The following TMEM213 variants were observed in gnomAD, a reference collection of about 807,000 sequenced individuals.
TMEM213 encodes the protein transmembrane protein 213.
A neutral mutation model predicts 11.6 loss-of-function variants in TMEM213; 7 were observed. The ratio of observed to expected loss-of-function variants is 0.60; its 90% confidence interval spans 0.34 to 1.13. The LOEUF is 1.13. Ranked by LOEUF, TMEM213 falls within the 50% of genes most tolerant of loss-of-function variation. The pLI, the probability that TMEM213 is intolerant of heterozygous loss-of-function variation, is 0.03. For synonymous variants in TMEM213, 60 were observed against 58.3 expected (o/e 1.03, Z -0.13); for missense variants, 129 against 139.0 (o/e 0.93, Z 0.36).
At position 138,803,184 on chromosome 7, in the gene TMEM213, T is replaced by G; in HGVS notation, c.*115T>G. 2 of 1,306,492 alleles carry G rather than the reference T, an allele frequency of 1.5e-6. No individual in the cohort carries two copies. Among genetic ancestry groups the G allele is most frequent in the Non-Finnish European group, 2.1e-6 (2 of 959,964 alleles). 80.9% of individuals were successfully genotyped at this position (1,306,492 alleles called of 1,614,324 possible). ...AGTCATTTTCACCTTTAAGCTTCAGTTACTTTTACAAGGGAAAGAAGAAAG... is the reference window on the plus strand; with the variant it reads ...AGTCATTTTCACCTTTAAGCTTCAGGTACTTTTACAAGGGAAAGAAGAAAG... On this transcript the variant is annotated 3_prime_UTR_variant, in exon 3 of 3. Coordinates refer to ENST00000442682, the MANE Select transcript of TMEM213 (RefSeq NM_001085429.2).
chr7:138,802,669 C>T (rs987381243), intron 2 of TMEM213, among the ~76,000 whole-genome samples: 1 of 152,056 alleles, frequency 6.6e-6, no homozygotes, highest in East Asian at 1.9e-4. Flanking sequence ...TGATCTTGGG[C>T]AAATTACAGC....
Position 138,798,131 on chromosome 7 carries a change from G to A in TMEM213, c.27G>A (p.Arg9=). 1 of 1,601,782 alleles carries A rather than the reference G, an allele frequency of 6.2e-7. No homozygotes were observed. Among genetic ancestry groups the A allele is most frequent in the Non-Finnish European group, 8.5e-7 (1 of 1,174,860 alleles). ...TGCAGCGCCTCCCCGCTGCCACCCG[G>A]GCCACCCTGATCCTCAGCCTGGCCT... MQRLPAAT[R]ATLILSLAFA... Residue 9 remains arginine, a synonymous_variant, in exon 1 of 3, where the codon CGG becomes CGA. Coordinates refer to ENST00000442682, the MANE Select transcript of TMEM213 (RefSeq NM_001085429.2).
chr7:138,801,971 C>T (rs1808961955), intron 2 of TMEM213, among the ~76,000 whole-genome samples: 1 of 152,068 alleles, frequency 6.6e-6, no homozygotes, highest in Admixed American at 6.5e-5. Context: ...TGAGACCAGC[C>T]TGACCAATAT....
chr7:138,803,113 G>A lies in TMEM213; in HGVS notation c.*44G>A. ...AAAATGGTGATCGCCACCAATTTGTGGCTAATGGGGAAGGGGAGTAAGGCT... is the reference window on the plus strand; with the variant it reads ...AAAATGGTGATCGCCACCAATTTGTAGCTAATGGGGAAGGGGAGTAAGGCT... On this transcript the variant is annotated 3_prime_UTR_variant, in exon 3 of 3. Coordinates refer to ENST00000442682, the MANE Select transcript of TMEM213 (RefSeq NM_001085429.2). 6.3e-7 allele frequency: 1 copy of A among 1,594,270 alleles called. No individual in the cohort carries two copies. The highest frequency in any genetic ancestry group is 1.7e-4 in the Middle Eastern group (1 of 6,040).
chr7:138,803,217 G>A lies in TMEM213; in HGVS notation c.*148G>A. On this transcript the variant is annotated 3_prime_UTR_variant, in exon 3 of 3. Coordinates refer to ENST00000442682, the MANE Select transcript of TMEM213 (RefSeq NM_001085429.2). ...ACAAGGGAAAGAAGAAAGAGCGGGA[G>A]AACCAAATAAGGCAAGCCAGTGCTG... is the stretch of plus-strand genomic sequence containing the variant. 4 of 1,116,762 alleles carry A rather than the reference G, an allele frequency of 3.6e-6. No homozygotes were observed. The highest frequency in any genetic ancestry group is 1.6e-5 in the African/African-American group (1 of 63,944). 69.2% of individuals were successfully genotyped at this position (1,116,762 alleles called of 1,614,324 possible).
chr7:138,804,759 C>T lies in TMEM213; in HGVS notation c.*1690C>T, dbSNP rs1460259613. Reference sequence around the variant, plus strand: ...GAGCCAATGGTTTGGTCACTGCTCTCTCAGCAAATTACAGTCACTGTCACT... The same window carrying T: ...GAGCCAATGGTTTGGTCACTGCTCTTTCAGCAAATTACAGTCACTGTCACT... On this transcript the variant is annotated 3_prime_UTR_variant, in exon 3 of 3. Coordinates refer to ENST00000442682, the MANE Select transcript of TMEM213 (RefSeq NM_001085429.2). 1 of 152,184 alleles carries T rather than the reference C, an allele frequency of 6.6e-6. No individual in the cohort carries two copies. Among genetic ancestry groups the T allele is most frequent in the Admixed American group, 6.5e-5 (1 of 15,268 alleles). The allele number at this position is 152,184 out of a possible 1,614,324, so 9.4% of individuals were successfully genotyped here. A position where few individuals can be genotyped will look rare whatever the true frequency, so the allele number is the denominator to read the frequency against.
At chr7:138,799,171 G>C (rs1303359489) in intron 1 of TMEM213, 1 of 152,144 alleles carries the variant, frequency 6.6e-6, no homozygotes, top group Non-Finnish European at 1.5e-5. Flanking sequence ...TTGTCAAGAC[G>C]AATTGATGTA....
chr7:138,801,845 C>T (rs1808958165), intron 2 of TMEM213: 1 of 180,402 alleles, frequency 5.5e-6, no homozygotes, highest in African/African-American at 2.4e-5. Flanking sequence ...CATAGAGCAA[C>T]CACTATTATG....
chr7:138,800,763 T>A (rs1808914659), intron 1 of TMEM213, among the ~76,000 whole-genome samples: 1 of 102,420 alleles, frequency 9.8e-6, no homozygotes, highest in Non-Finnish European at 2.0e-5. Context: ...TGCAATGGTG[T>A]GATCTCAGCT....
rs752656163 is a variant in TMEM213 at position 138,798,183 on chromosome 7, G to A, written c.79G>A (p.Ala27Thr). The change falls in exon 1 of 3, where the codon GCA (alanine) becomes ACA (threonine). Residue 27 changes from alanine (A) to threonine (T), a missense_variant. Transcript: ENST00000442682. ...TGCCTCCCTCCACTCGGCTTGCTCG[G>A]CAGGTAGCGTTATGAGCTTTATTCA... ...AFASLHSACS[A>T]EASSSNSSSL... is the part of the protein sequence containing the mutation. 2 of 1,590,524 alleles carry A rather than the reference G, an allele frequency of 1.3e-6. No individual in the cohort carries two copies. The highest frequency in any genetic ancestry group is 1.1e-5 in the South Asian group (1 of 87,216).
intron 1 of TMEM213, chr7:138,799,699 A>G (rs1808866268): frequency 6.6e-6 from 1 of 152,218 alleles, no homozygotes; most frequent in South Asian, 2.1e-4. Flanking sequence ...TTTGAGTCAT[A>G]AGGAAAATTA....
chr7:138,802,936 G>A lies in TMEM213; in HGVS notation c.191G>A (p.Arg64His), dbSNP rs200306735. The A allele has an allele frequency of 1.9e-4, 299 of 1,605,706 alleles. No individual in the cohort carries two copies. Among genetic ancestry groups the A allele is most frequent in the Non-Finnish European group, 2.3e-4 (273 of 1,176,776 alleles). ...DFCPQAARCC[R>H]TGVDEYGWIA... Reference sequence around the variant, plus strand: ...TGCCCACAAGCAGCCCGGTGCTGCCGCACAGGAGTGGACGAGTACGGCTGG... The same window carrying A: ...TGCCCACAAGCAGCCCGGTGCTGCCACACAGGAGTGGACGAGTACGGCTGG... Residue 64 changes from arginine to histidine, a missense_variant, in exon 3 of 3, where the codon CGC (arginine) becomes CAC (histidine). Coordinates refer to ENST00000442682, the MANE Select transcript of TMEM213 (RefSeq NM_001085429.2).
chr7:138,799,852 G>C (rs985856226), intron 1 of TMEM213, among the ~76,000 whole-genome samples: 1 of 152,150 alleles, frequency 6.6e-6, no homozygotes, highest in Non-Finnish European at 1.5e-5. Context: ...GGGTTGGGTG[G>C]CATAAAATTA....
At position 138,805,994 on chromosome 7, in the gene TMEM213, A is replaced by G. The variant is rs549451116; in HGVS notation, c.*2925A>G. ...TGAACTGAAGTATGTGCAGTCTGCC[A>G]TCTCACATTAAAATGTAGGCATTTT... On this transcript the variant is annotated 3_prime_UTR_variant, in exon 3 of 3. Coordinates refer to ENST00000442682, the MANE Select transcript of TMEM213 (RefSeq NM_001085429.2). 1 of 152,292 alleles carries G rather than the reference A, an allele frequency of 6.6e-6. No homozygotes were observed. Among genetic ancestry groups the G allele is most frequent in the African/African-American group, 2.4e-5 (1 of 41,552 alleles). 9.4% of individuals were successfully genotyped at this position (152,292 alleles called of 1,614,324 possible).
At chr7:138,798,287 C>G in intron 1 of TMEM213, 101 bp downstream of exon 1, 1 of 962,508 alleles carries the variant, frequency 1.0e-6, no homozygotes, top group Non-Finnish European at 1.4e-6. Context: ...ATTCTTTGGC[C>G]AGGGTTGGTC....
rs899373762 is a variant in TMEM213 at position 138,798,192 on chromosome 7, G to T, written c.82+6G>T. The T allele has an allele frequency of 1.3e-6, 2 of 1,585,426 alleles. No homozygotes were observed. The highest frequency in any genetic ancestry group is 1.3e-5 in the African/African-American group (1 of 74,370). Reference sequence around the variant, plus strand: ...CCACTCGGCTTGCTCGGCAGGTAGCGTTATGAGCTTTATTCATGGCCAGGC... The same window carrying T: ...CCACTCGGCTTGCTCGGCAGGTAGCTTTATGAGCTTTATTCATGGCCAGGC... On this transcript the variant is annotated splice_donor_region_variant and intron_variant, in intron 1 of 2. Transcript: ENST00000442682.
At chr7:138,800,677 TTTC>T (rs142153597) in intron 1 of TMEM213, among the ~76,000 whole-genome samples, 50,137 of 128,338 alleles carry the variant, frequency 0.39, 10,600 homozygotes, top group Middle Eastern at 0.44. Flanking sequence ...GTTGCTGATG[TTTC>T]TTCTTCTTCT....
At position 138,801,384 on chromosome 7, in the gene TMEM213, T is replaced by G; in HGVS notation, c.140T>G (p.Leu47Arg). 6.2e-7 allele frequency: 1 copy of G among 1,609,914 alleles called. No homozygotes were observed. Among genetic ancestry groups the G allele is most frequent in the Non-Finnish European group, 8.5e-7 (1 of 1,178,232 alleles). The stretch of plus-strand genomic sequence containing the variant: ...GCTCACCACCCAGACCCTGGGACCC[T>G]GGAGCAGTGCCTCAGTAAGCTTCTC... ...LTAHHPDPGT[L>R]EQCLNVDFCP... is the part of the protein sequence containing the mutation. Residue 47 changes from leucine to arginine, a missense_variant, in exon 2 of 3, where the codon CTG (leucine) becomes CGG (arginine). Physicochemically the swap from Leu to Arg is moderately radical, Grantham distance 102. Transcript: ENST00000442682.
At chr7:138,801,477 C>T (rs374406096) in intron 2 of TMEM213, 79 bp downstream of exon 2, 17 of 1,380,806 alleles carry the variant, frequency 1.2e-5, no homozygotes, top group African/African-American at 4.3e-5. Context: ...CCCCGCTTTC[C>T]GTTGATTGGT....
Sources: allele counts gnomAD v4.1 joint callset (sites outside exome capture counted in the v4.1 genomes callset), GRCh38; gene constraint gnomAD v4.1.1; transcripts MANE v1.5; gene names NCBI Gene and HGNC (gene_info 2026-07-23, HGNC 2026-07-21).